The following SPATA17 variants were observed in gnomAD, a reference collection of about 807,000 sequenced individuals.
The protein encoded by SPATA17 is spermatogenesis-associated protein 17.
Under a neutral mutation model 62.2 loss-of-function variants are expected in SPATA17, and 53 were observed. The ratio of observed to expected loss-of-function variants is 0.85; its 90% CI spans 0.68 to 1.07. SPATA17 has a LOEUF of 1.07. Ranked by LOEUF, SPATA17 falls within the 50% of genes least tolerant of loss-of-function variation. The probability of loss-of-function intolerance (pLI) is 0.00; values close to 1 mark genes in which losing one functional copy is unlikely to be tolerated. For synonymous variants in SPATA17, 146 were observed against 146.8 expected, an observed-to-expected ratio of 0.99 and a Z score of 0.04; for missense variants, 466 against 425.5, an observed-to-expected ratio of 1.10 and a Z score of -0.84.
rs1316362560 is a variant in SPATA17, at chr1:217,867,708, G to A, written c.*689G>A. The A allele has an allele frequency of 6.6e-6, 1 of 152,118 alleles. No individual in the cohort carries two copies. The highest frequency in any genetic ancestry group is 2.4e-5 in the African/African-American group (1 of 41,416). 9.4% of individuals were successfully genotyped at this position (152,118 alleles called of 1,614,324 possible). On this transcript the variant is annotated 3_prime_UTR_variant, in exon 11 of 11. Coordinates refer to ENST00000366933, the MANE Select transcript of SPATA17 (RefSeq NM_138796.4). ...TTTGTGAGGTTTCTGTTTTTTATGC[G>A]ATGCTTAGATTTTCCTGGAATCCTT... is the stretch of plus-strand genomic sequence containing the variant.
At chr1:217,858,999 G>A (rs1043528633) in intron 9 of SPATA17, among the ~76,000 whole-genome samples, 10 of 151,780 alleles carry the variant, frequency 6.6e-5, no homozygotes, top group Non-Finnish European at 1.5e-4. Context: ...CTGCACTCCA[G>A]CCTGGGTGAC....
At chr1:217,795,233 A>G (rs1023637259) in intron 8 of SPATA17, among the ~76,000 whole-genome samples, 7 of 152,148 alleles carry the variant, frequency 4.6e-5, no homozygotes, top group Non-Finnish European at 8.8e-5. Flanking sequence ...ACTATCAAAG[A>G]GGGGAAATAT....
At chr1:217,739,357 A>T (rs1405520594) in intron 5 of SPATA17, 1 of 152,174 alleles carries the variant, frequency 6.6e-6, no homozygotes, top group East Asian at 1.9e-4. Context: ...AGAGATTCTA[A>T]TTCCATTTCT....
At chr1:217,688,844 G>C (rs1671285471) in intron 5 of SPATA17, among the ~76,000 whole-genome samples, 1 of 151,898 alleles carries the variant, frequency 6.6e-6, no homozygotes. Context: ...TGGGGGAAAG[G>C]AGCTGACACT....
intron 8 of SPATA17, among the ~76,000 whole-genome samples, chr1:217,785,931 C>A (rs1673849477): frequency 6.6e-6 from 1 of 152,058 alleles, no homozygotes; most frequent in African/African-American, 2.4e-5. Context: ...GGAACTCATT[C>A]AATTTTCTCA....
chr1:217,712,338 C>A (rs1008442165), intron 5 of SPATA17, among the ~76,000 whole-genome samples: 2 of 152,000 alleles, frequency 1.3e-5, no homozygotes, highest in African/African-American at 4.8e-5. Context: ...GTTGGTCAGG[C>A]TGGTCTCGAA....
intron 7 of SPATA17, among the ~76,000 whole-genome samples, chr1:217,780,511 A>T (rs367884491): frequency 6.6e-6 from 1 of 152,170 alleles, no homozygotes; most frequent in Admixed American, 6.5e-5. Context: ...AATAAGTTCC[A>T]GAACAACAGT....
intron 8 of SPATA17, among the ~76,000 whole-genome samples, chr1:217,799,411 G>A (rs757343775): frequency 1.3e-5 from 2 of 152,076 alleles, no homozygotes; most frequent in African/African-American, 2.4e-5. Flanking sequence ...CCGGCTCGCA[G>A]CACCTCCTTT....
chr1:217,672,259 A>G (rs550289740), intron 4 of SPATA17, among the ~76,000 whole-genome samples: 49 of 152,190 alleles, frequency 3.2e-4, no homozygotes, highest in Admixed American at 6.5e-4. Context: ...TTCATTTCAT[A>G]AGCTACCTGG....
intron 8 of SPATA17, among the ~76,000 whole-genome samples, chr1:217,792,552 A>G (rs557034076): frequency 1.3e-5 from 2 of 152,246 alleles, no homozygotes; most frequent in Non-Finnish European, 2.9e-5. Context: ...CCCAGGCCTA[A>G]TTCAATATAA....
chr1:217,697,443 C>T (rs1376199172), intron 5 of SPATA17, among the ~76,000 whole-genome samples: 1 of 152,098 alleles, frequency 6.6e-6, no homozygotes, highest in Non-Finnish European at 1.5e-5. Context: ...CTGCTGAAAG[C>T]GGAAGTCTCA....
At chr1:217,757,996 T>C (rs1465569095) in intron 6 of SPATA17, among the ~76,000 whole-genome samples, 1 of 152,180 alleles carries the variant, frequency 6.6e-6, no homozygotes, top group African/African-American at 2.4e-5. Context: ...TGTTTAGTGG[T>C]ACTGGGGGCC....
intron 5 of SPATA17, among the ~76,000 whole-genome samples, chr1:217,714,308 G>C (rs1571751878): frequency 2.0e-5 from 3 of 151,676 alleles, no homozygotes; most frequent in Admixed American, 6.6e-5. Flanking sequence ...AGAATGTCTT[G>C]AACCCGGGAG....
At chr1:217,735,840 T>G (rs1295404143) in intron 5 of SPATA17, among the ~76,000 whole-genome samples, 1 of 151,982 alleles carries the variant, frequency 6.6e-6, no homozygotes, top group African/African-American at 2.4e-5. Flanking sequence ...ACCATCTTAT[T>G]AATAATTTTT....
intron 9 of SPATA17, among the ~76,000 whole-genome samples, chr1:217,831,210 C>A (rs960009289): frequency 6.6e-6 from 1 of 152,086 alleles, no homozygotes; most frequent in African/African-American, 2.4e-5. Flanking sequence ...ACTAGCAATG[C>A]ATTGTCATTT....
At chr1:217,649,476 C>G (rs564057978) in intron 2 of SPATA17, among the ~76,000 whole-genome samples, 1 of 151,994 alleles carries the variant, frequency 6.6e-6, no homozygotes, top group South Asian at 2.1e-4. Context: ...GAGACTCTGC[C>G]TCAAAAAAAT....
chr1:217,686,370 T>C (rs1671214634), intron 5 of SPATA17, among the ~76,000 whole-genome samples: 1 of 152,138 alleles, frequency 6.6e-6, no homozygotes, highest in African/African-American at 2.4e-5. Context: ...TTCACTGACA[T>C]TTAAATATAT....
At chr1:217,731,630 A>G (rs1387283276) in intron 5 of SPATA17, among the ~76,000 whole-genome samples, 1 of 152,094 alleles carries the variant, frequency 6.6e-6, no homozygotes, top group East Asian at 1.9e-4. Context: ...CTTCCTTTTC[A>G]TTATCCCATA....
chr1:217,642,692 C>CT (rs1670092857), intron 1 of SPATA17, among the ~76,000 whole-genome samples: 1 of 152,178 alleles, frequency 6.6e-6, no homozygotes. Flanking sequence ...TTATAAGTGT[C>CT]TGACAGTTCC....
Sources: gnomAD v4.1 joint callset for allele counts (sites outside exome capture counted in the v4.1 genomes callset) on GRCh38, gnomAD v4.1.1 for gene constraint, MANE v1.5 for transcripts, NCBI Gene and HGNC (gene_info 2026-07-23, HGNC 2026-07-21) for gene names.